The following LRMDA variants were observed in gnomAD, a reference collection of about 807,000 sequenced individuals.
The protein encoded by LRMDA is leucine rich melanocyte differentiation associated.
Under a neutral mutation model 29.8 loss-of-function variants are expected in LRMDA, and 18 were observed. That is an observed-to-expected ratio of 0.60 (90% confidence interval 0.42 to 0.90). The LOEUF (loss-of-function observed/expected upper bound fraction) is 0.90. Ranked by LOEUF, LRMDA falls within the 40% of genes least tolerant of loss-of-function variation. The probability of loss-of-function intolerance (pLI) is 0.00; values close to 1 mark genes in which losing one functional copy is unlikely to be tolerated. For missense variants in LRMDA, 273 were observed against 273.9 expected, an observed-to-expected ratio of 1.00 and a Z score of 0.02; for synonymous variants, 125 against 109.4, an observed-to-expected ratio of 1.14 and a Z score of -0.89.
At chr10:76,321,725 A>G (rs535906548) in intron 5 of LRMDA, among the ~76,000 whole-genome samples, 1 of 152,272 alleles carries the variant, frequency 6.6e-6, no homozygotes, top group Admixed American at 6.5e-5. Context: ...CAGGTGGATC[A>G]CCTGAGGCCA....
intron 2 of LRMDA, among the ~76,000 whole-genome samples, chr10:75,475,596 A>C (rs1226678129): frequency 6.6e-6 from 1 of 152,226 alleles, no homozygotes; most frequent in Non-Finnish European, 1.5e-5. Context: ...ATGGTTTGGT[A>C]TCTAGGCTCC....
chr10:76,015,440 C>A (rs1488506929), intron 2 of LRMDA, among the ~76,000 whole-genome samples: 2 of 152,216 alleles, frequency 1.3e-5, no homozygotes, highest in Non-Finnish European at 1.5e-5. Flanking sequence ...TGGAGACCTA[C>A]CTCGGCTCCT....
intron 2 of LRMDA, among the ~76,000 whole-genome samples, chr10:75,993,720 G>A (rs1047957610): frequency 6.7e-6 from 1 of 149,768 alleles, no homozygotes; most frequent in African/African-American, 2.4e-5. Context: ...GTGACAGAGC[G>A]AGACTTCATC....
At chr10:76,044,398 C>T (rs1848393076) in intron 3 of LRMDA, among the ~76,000 whole-genome samples, 2 of 151,238 alleles carry the variant, frequency 1.3e-5, no homozygotes, top group Non-Finnish European at 2.9e-5. Flanking sequence ...GTGTCTGTGC[C>T]CATATCTAAG....
At chr10:76,181,209 G>A (rs1851042934) in intron 5 of LRMDA, among the ~76,000 whole-genome samples, 1 of 152,102 alleles carries the variant, frequency 6.6e-6, no homozygotes, top group Non-Finnish European at 1.5e-5. Context: ...TTTCTCAAGG[G>A]CCCACTGACC....
chr10:75,740,157 G>C lies in LRMDA; in HGVS notation c.132-295851G>C, dbSNP rs954270071. 3.9e-5 allele frequency among the ~76,000 whole-genome samples: 6 copies of C among 152,164 alleles called. No homozygotes were observed. The East Asian group carries it at 1.2e-3, about 29-fold the overall frequency. On this transcript the variant is annotated intron_variant, in intron 2 of 6. Transcript: ENST00000611255. Reference sequence around the variant, plus strand: ...TTCTGAAATAAAATAAAATAAATGCGTGCTTTTAGAATAGGCTGTAGTTAC... The same window carrying C: ...TTCTGAAATAAAATAAAATAAATGCCTGCTTTTAGAATAGGCTGTAGTTAC...
chr10:75,517,919 G>T (rs563180257), intron 2 of LRMDA, among the ~76,000 whole-genome samples: 10 of 152,248 alleles, frequency 6.6e-5, no homozygotes, highest in African/African-American at 2.2e-4. Flanking sequence ...AAGGGCTGTT[G>T]AATTTTGTTG....
chr10:76,415,358 A>C (rs1842003748), intron 6 of LRMDA, among the ~76,000 whole-genome samples: 1 of 152,200 alleles, frequency 6.6e-6, no homozygotes, highest in African/African-American at 2.4e-5. Context: ...CATTTGGGGA[A>C]AGGTAGATAA....
intron 6 of LRMDA, among the ~76,000 whole-genome samples, chr10:76,441,109 G>A (rs1277660470): frequency 6.6e-6 from 1 of 151,994 alleles, no homozygotes; most frequent in Middle Eastern, 3.2e-3. Context: ...TACAGAGGAG[G>A]GAACACACAC....
intron 6 of LRMDA, among the ~76,000 whole-genome samples, chr10:76,328,949 A>G (rs1438810354): frequency 6.6e-6 from 1 of 152,186 alleles, no homozygotes; most frequent in Non-Finnish European, 1.5e-5. Flanking sequence ...CAACCTCAGC[A>G]CTGAACCAGT....
chr10:76,530,158 T>C (rs987787799), intron 6 of LRMDA, among the ~76,000 whole-genome samples: 1 of 152,172 alleles, frequency 6.6e-6, no homozygotes, highest in Non-Finnish European at 1.5e-5. Context: ...AGGAGATTGA[T>C]TTCCAACTGG....
Position 75,502,894 on chromosome 10 carries a change from C to T in LRMDA, c.131+64400C>T, listed in dbSNP as rs566932979. ...TTCTTCCCTGTCCAGTCCTGCAGTC[C>T]CCAGGTAGAGGCAACCTTTTCTTCT... On this transcript the variant is annotated intron_variant, in intron 2 of 6. Transcript: ENST00000611255. 6.6e-5 allele frequency among the ~76,000 whole-genome samples: 10 copies of T among 152,198 alleles called. 1 individual carries two copies. Among genetic ancestry groups the T allele is most frequent in the African/African-American group, 2.4e-4 (10 of 41,520 alleles).
chr10:75,683,223 G>T (rs1175445460), intron 2 of LRMDA, among the ~76,000 whole-genome samples: 2 of 152,146 alleles, frequency 1.3e-5, no homozygotes, highest in Non-Finnish European at 2.9e-5. Flanking sequence ...TGTAAACCAG[G>T]CCAAGGCAGC....
chr10:76,208,435 A>G (rs960825223), intron 5 of LRMDA, among the ~76,000 whole-genome samples: 1 of 152,204 alleles, frequency 6.6e-6, no homozygotes, highest in African/African-American at 2.4e-5. Flanking sequence ...GATAAAAACT[A>G]TGAAGTGGGA....
In LRMDA at chr10:76,497,436, A is replaced by T. The variant is rs1198468493; in HGVS notation, c.602-59773A>T. 9.4e-5 allele frequency among the ~76,000 whole-genome samples: 7 copies of T among 74,724 alleles called. 2 individuals are homozygous for T. The highest frequency in any genetic ancestry group is 2.3e-4 in the African/African-American group (7 of 30,686). 49.0% of individuals were successfully genotyped at this position (74,724 alleles called of 152,430 possible). ...TCTTGTAGGACCCTTAAAGACTAATATTAAAACATTTGCCCTTCTCAAGAC... is the reference window on the plus strand; with the variant it reads ...TCTTGTAGGACCCTTAAAGACTAATTTTAAAACATTTGCCCTTCTCAAGAC... On this transcript the variant is annotated intron_variant, in intron 6 of 6. Coordinates refer to ENST00000611255, the MANE Select transcript of LRMDA (RefSeq NM_001305581.2).
intron 6 of LRMDA, among the ~76,000 whole-genome samples, chr10:76,400,148 G>A (rs1841833340): frequency 6.6e-6 from 1 of 152,186 alleles, no homozygotes; most frequent in Non-Finnish European, 1.5e-5. Flanking sequence ...AAGCTATGTT[G>A]GAGAGGCCCA....
intron 2 of LRMDA, among the ~76,000 whole-genome samples, chr10:75,959,320 C>T (rs1665902356): frequency 6.6e-6 from 1 of 152,126 alleles, no homozygotes; most frequent in Non-Finnish European, 1.5e-5. Context: ...TGGGCAGCAC[C>T]ACCTTGGCCT....
chr10:76,177,856 T>G (rs1027275263), intron 5 of LRMDA, among the ~76,000 whole-genome samples: 2 of 152,236 alleles, frequency 1.3e-5, no homozygotes, highest in Non-Finnish European at 1.5e-5. Context: ...AGAGCCATTT[T>G]CCAGATGAGA....
Position 75,903,209 on chromosome 10 carries a change from G to T in LRMDA, c.132-132799G>T, listed in dbSNP as rs77299166. On this transcript the variant is annotated intron_variant, in intron 2 of 6. Transcript: ENST00000611255. ...TTTCCACCATGGAGGGAAGGTTTTG[G>T]TTATAATACCAAATGGATATTGACA... Among the ~76,000 whole-genome samples the T allele has an allele frequency of 4.7e-3, 710 of 152,294 alleles. 8 individuals are homozygous for T. Among genetic ancestry groups the T allele is most frequent in the African/African-American group, 0.017 (690 of 41,556 alleles).
Sources: gnomAD v4.1 joint callset for allele counts (sites outside exome capture counted in the v4.1 genomes callset) on GRCh38, gnomAD v4.1.1 for gene constraint, MANE v1.5 for transcripts, NCBI Gene and HGNC (gene_info 2026-07-23, HGNC 2026-07-21) for gene names.